The following CCDC73 variants were observed in gnomAD, a reference collection of about 807,000 sequenced individuals.
The protein encoded by CCDC73 is coiled-coil domain containing 73.
CCDC73 carries 95 observed loss-of-function variants against 116.5 expected under a neutral mutation model. The ratio of observed to expected loss-of-function variants is 0.82; its 90% CI spans 0.69 to 0.97. The LOEUF (loss-of-function observed/expected upper bound fraction) is 0.97. Ranked by LOEUF, CCDC73 falls within the 50% of genes least tolerant of loss-of-function variation. The pLI, the probability that CCDC73 is intolerant of heterozygous loss-of-function variation, is 0.00. For missense variants in CCDC73, 1,066 were observed against 1,206.8 expected, an observed-to-expected ratio of 0.88 and a Z score of 1.73; for synonymous variants, 398 against 401.3, an observed-to-expected ratio of 0.99 and a Z score of 0.10.
chr11:32,761,726 G>A lies in CCDC73; in HGVS notation c.-15-1468C>T, dbSNP rs530505722. 5.3e-5 allele frequency among the ~76,000 whole-genome samples: 8 copies of A among 152,156 alleles called. No individual in the cohort carries two copies. The South Asian group carries it at 1.7e-3, about 32-fold the overall frequency. ...TATGGGGGGGTGTATGTATATATGT[G>A]CAAAAGACTCATATGCACATATATA... On this transcript the variant is annotated intron_variant, in intron 1 of 17. Coordinates refer to ENST00000335185, the MANE Select transcript of CCDC73 (RefSeq NM_001008391.4).
chr11:32,617,467 A>G (rs1855484167), intron 14 of CCDC73, among the ~76,000 whole-genome samples: 1 of 152,220 alleles, frequency 6.6e-6, no homozygotes, highest in Admixed American at 6.5e-5. Context: ...ACTAATTTCC[A>G]TGAACCACTG....
chr11:32,698,214 C>T (rs992417208), intron 6 of CCDC73, among the ~76,000 whole-genome samples: 12 of 151,310 alleles, frequency 7.9e-5, no homozygotes, highest in Non-Finnish European at 1.6e-4. Flanking sequence ...TTAGTAGAGA[C>T]GGGGTTTCAC....
At chr11:32,769,656 G>A (rs1175396606) in intron 1 of CCDC73, among the ~76,000 whole-genome samples, 1 of 152,140 alleles carries the variant, frequency 6.6e-6, no homozygotes, top group Admixed American at 6.5e-5. Context: ...TTACTATAGA[G>A]AGGGGAGAAA....
At position 32,602,920 on chromosome 11, in the gene CCDC73, A is replaced by C; in HGVS notation, c.3131T>G (p.Ile1044Ser). 1 of 1,613,136 alleles carries C rather than the reference A, an allele frequency of 6.2e-7. No homozygotes were observed. The change falls in exon 18 of 18, where the codon ATT (isoleucine) becomes AGT (serine). Residue 1044 changes from isoleucine (I) to serine (S), a missense_variant. Ile to Ser is a moderately radical substitution (Grantham distance 142). Transcript: ENST00000335185. ...TSGDDDWQSL[I>S]TNQLNKSENL... ...TTCACTTTTATTTAGTTGATTCGTA[A>C]TGAGGCTCTGCCAGTCATCATCACC...
In CCDC73 at chr11:32,607,955, G is replaced by T. The variant is rs988993444; in HGVS notation, c.3030+3177C>A. Among the ~76,000 whole-genome samples the T allele has an allele frequency of 1.8e-4, 28 of 152,308 alleles. 1 individual carries two copies. Among genetic ancestry groups the T allele is most frequent in the Admixed American group, 1.7e-3 (26 of 15,302 alleles). On this transcript the variant is annotated intron_variant, in intron 17 of 17. Coordinates refer to ENST00000335185, the MANE Select transcript of CCDC73 (RefSeq NM_001008391.4). ...GCAACTCCCACTTTTAAAGCCATCTGATCTCATGAGACTTATTCACTATCA... is the reference window on the plus strand; with the variant it reads ...GCAACTCCCACTTTTAAAGCCATCTTATCTCATGAGACTTATTCACTATCA...
intron 2 of CCDC73, among the ~76,000 whole-genome samples, chr11:32,744,784 T>C (rs1289723782): frequency 6.6e-6 from 1 of 152,330 alleles, no homozygotes; most frequent in East Asian, 1.9e-4. Flanking sequence ...TGCGACTATT[T>C]GATTCTTCTC....
At chr11:32,684,418 G>T (rs931602890) in intron 6 of CCDC73, among the ~76,000 whole-genome samples, 1 of 151,980 alleles carries the variant, frequency 6.6e-6, no homozygotes. Flanking sequence ...GATAATAAAC[G>T]TCTATTTTAT....
At chr11:32,730,257 C>T (rs1362193422) in intron 2 of CCDC73, among the ~76,000 whole-genome samples, 2 of 152,232 alleles carry the variant, frequency 1.3e-5, no homozygotes, top group African/African-American at 4.8e-5. Context: ...AAACCCCTCT[C>T]CTATCCTCCA....
At chr11:32,750,621 C>A (rs949430412) in intron 2 of CCDC73, among the ~76,000 whole-genome samples, 1 of 152,200 alleles carries the variant, frequency 6.6e-6, no homozygotes, top group African/African-American at 2.4e-5. Flanking sequence ...ATGGCCACCA[C>A]CACCACAGCC....
chr11:32,714,910 A>C (rs1590609371), intron 3 of CCDC73, among the ~76,000 whole-genome samples: 1 of 152,320 alleles, frequency 6.6e-6, no homozygotes, highest in Non-Finnish European at 1.5e-5. Context: ...TTATAGGAAC[A>C]TAGACACACT....
the CCDC73 span, among the ~76,000 whole-genome samples, chr11:32,822,339 GGTT>G: frequency 1.8e-4 from 28 of 152,160 alleles, no homozygotes; most frequent in African/African-American, 6.0e-4. Flanking sequence ...GGTATCCTCA[GGTT>G]TATCTGTAGC....
chr11:32,636,575 G>C (rs1193295024), intron 13 of CCDC73, among the ~76,000 whole-genome samples: 4 of 151,972 alleles, frequency 2.6e-5, no homozygotes. Context: ...AAGTTTAAAA[G>C]TTTCTTATAA....
chr11:32,622,219 T>A (rs111561862), intron 14 of CCDC73, among the ~76,000 whole-genome samples: 1,577 of 152,290 alleles, frequency 0.01, 26 homozygotes, highest in African/African-American at 0.036. Context: ...CATACGTTTA[T>A]TGCAGCACTA....
At chr11:32,624,062 C>T (rs1400886822) in intron 14 of CCDC73, among the ~76,000 whole-genome samples, 2 of 151,888 alleles carry the variant, frequency 1.3e-5, no homozygotes, top group East Asian at 1.9e-4. Context: ...GAGGGCCGGG[C>T]GCAGTGGCTC....
intron 2 of CCDC73, among the ~76,000 whole-genome samples, chr11:32,736,971 T>TATACATATAC (rs1565088886): frequency 6.0e-5 from 9 of 149,802 alleles, no homozygotes; most frequent in Non-Finnish European, 1.3e-4. Context: ...TATACATATA[T>TATACATATAC]ATACATATAT....
chr11:32,613,961 G>A lies in CCDC73; in HGVS notation c.2357C>T (p.Ala786Val). Residue 786 changes from alanine to valine, a missense_variant, in exon 16 of 18, where the codon GCT becomes GTT. Coordinates refer to ENST00000335185, the MANE Select transcript of CCDC73 (RefSeq NM_001008391.4). ...AGTTTTCACATCTTTGGCTTGTGAA[G>A]CATGACTATTCTCATTGTTAAGATG... ...HLHLNNENSH[A>V]SQAKDVKTAV... is the part of the protein sequence containing the mutation. 1 of 1,610,906 alleles carries A rather than the reference G, an allele frequency of 6.2e-7. No individual in the cohort carries two copies. Among genetic ancestry groups the A allele is most frequent in the Non-Finnish European group, 8.5e-7 (1 of 1,179,858 alleles).
upstream of CCDC73, among the ~76,000 whole-genome samples, chr11:32,796,906 G>C (rs1411337376): frequency 6.6e-6 from 1 of 151,156 alleles, no homozygotes; most frequent in Non-Finnish European, 1.5e-5. Context: ...CAGCTGCTCC[G>C]GACGCTGAGG....
At chr11:32,788,971 A>G (rs1850650274) in intron 1 of CCDC73, among the ~76,000 whole-genome samples, 1 of 152,168 alleles carries the variant, frequency 6.6e-6, no homozygotes, top group African/African-American at 2.4e-5. Context: ...AGAATGCTAA[A>G]CTAAGTTTAA....
chr11:32,609,399 C>T (rs756566573), intron 17 of CCDC73, among the ~76,000 whole-genome samples: 26 of 152,312 alleles, frequency 1.7e-4, no homozygotes, highest in Middle Eastern at 6.8e-3. Context: ...CATAACAAGT[C>T]ACCTTTGCTC....
Sources: allele counts gnomAD v4.1 joint callset (sites outside exome capture counted in the v4.1 genomes callset), GRCh38; gene constraint gnomAD v4.1.1; transcripts MANE v1.5; gene names NCBI Gene and HGNC (gene_info 2026-07-23, HGNC 2026-07-21).